Variants in SNED1 observed in about 807,000 individuals in gnomAD.
SNED1 encodes sushi, nidogen and EGF like domains 1, also known as sushi, nidogen and EGF-like domain-containing protein 1.
In SNED1, 81 loss-of-function variants were observed where a neutral mutation model predicts 166.7. The observed-to-expected ratio is 0.49, with a 90% CI of 0.41 to 0.58. The LOEUF is 0.58. Among genes scored for constraint, SNED1 ranks in the 20% least tolerant of loss-of-function variants. The pLI, the probability that SNED1 is intolerant of heterozygous loss-of-function variation, is 0.00. For synonymous variants in SNED1, 762 were observed against 822.0 expected (o/e 0.93, Z 1.25); for missense variants, 1,604 against 2,000.2 (o/e 0.80, Z 3.78).
At chr2:241,036,955 G>A (rs748556758) in intron 5 of SNED1, 40 bp downstream of exon 5, 18 of 1,577,474 alleles carry the variant, frequency 1.1e-5, no homozygotes, top group Middle Eastern at 1.7e-4. Flanking sequence ...CGCTGGCTGC[G>A]CTGGGCTCAG....
chr2:241,033,365 T>C (rs561093945), intron 2 of SNED1: 58 of 192,400 alleles, frequency 3.0e-4, no homozygotes, highest in African/African-American at 1.3e-3. Flanking sequence ...CTTCCTTGCT[T>C]CTTTTTACCT....
At position 241,068,730 on chromosome 2, in the gene SNED1, G is replaced by A. The variant is rs779292914; in HGVS notation, c.3195-181G>A. Among the ~76,000 whole-genome samples, 6 of 152,048 alleles carry A rather than the reference G, an allele frequency of 3.9e-5. No homozygotes were observed. The highest frequency in any genetic ancestry group is 1.3e-4 in the Admixed American group (2 of 15,286). Reference sequence around the variant, plus strand: ...TGCCCGGACTATGGGTTGGCTTCCCGCCCTAGGAGCACACGGCTCTGAGGG... The same window carrying A: ...TGCCCGGACTATGGGTTGGCTTCCCACCCTAGGAGCACACGGCTCTGAGGG... On this transcript the variant is annotated intron_variant, in intron 22 of 31. Transcript: ENST00000310397. The surrounding 1 kb of genome is among the most constrained non-coding windows in gnomAD (Gnocchi z 5.3).
intron 4 of SNED1, among the ~76,000 whole-genome samples, chr2:241,036,075 GGGGTGGA>G (rs2061358403): frequency 8.6e-6 from 1 of 115,618 alleles, no homozygotes; most frequent in South Asian, 3.4e-4. Flanking sequence ...TGGGGGGTGG[GGGGTGGA>G]GGCGCATCAC....
At chr2:241,088,520 C>T (rs1024263453) in intron 31 of SNED1, 118 bp downstream of exon 31, 18 of 830,170 alleles carry the variant, frequency 2.2e-5, no homozygotes, top group Admixed American at 1.1e-4. Context: ...CTAAAGGAAG[C>T]GCGGTCCTGT....
intron 1 of SNED1, among the ~76,000 whole-genome samples, chr2:241,002,809 C>T (rs2060115266): frequency 6.6e-6 from 1 of 152,056 alleles, no homozygotes; most frequent in South Asian, 2.1e-4. Context: ...AACAGAAGTC[C>T]TGCTTCCTCC....
At chr2:241,016,978 G>A (rs567314486) in intron 1 of SNED1, among the ~76,000 whole-genome samples, 1 of 150,578 alleles carries the variant, frequency 6.6e-6, no homozygotes, top group Admixed American at 6.7e-5. Flanking sequence ...TCAGCCTCCC[G>A]AGTAGCTGGG....
intron 12 of SNED1, chr2:241,050,138 C>T (rs1446836137): frequency 1.6e-6 from 1 of 629,088 alleles, no homozygotes; most frequent in Non-Finnish European, 2.9e-6. Flanking sequence ...AGTGCCAGGC[C>T]TGCTGGTCAT....
chr2:241,015,646 T>G (rs1230477257), intron 1 of SNED1: 3 of 169,730 alleles, frequency 1.8e-5, no homozygotes, highest in African/African-American at 7.2e-5. Context: ...AGCGGTGGTG[T>G]TGGTGCCTGT....
intron 16 of SNED1, among the ~76,000 whole-genome samples, chr2:241,055,975 G>A (rs2062029022): frequency 6.6e-6 from 1 of 152,202 alleles, no homozygotes; most frequent in Non-Finnish European, 1.5e-5. Context: ...AGAGAATACA[G>A]TATGTTCATC....
chr2:241,049,196 C>A, intron 11 of SNED1, 61 bp downstream of exon 11: 1 of 1,336,922 alleles, frequency 7.5e-7, no homozygotes, highest in Non-Finnish European at 1.1e-6. Flanking sequence ...AGGGAGAAAG[C>A]GGTGGATGAG....
At position 241,081,732 on chromosome 2, in the gene SNED1, G is replaced by T; in HGVS notation, c.3972G>T (p.Pro1324=). The T allele has an allele frequency of 6.2e-7, 1 of 1,609,404 alleles. No homozygotes were observed. The highest frequency in any genetic ancestry group is 1.7e-5 in the Admixed American group (1 of 59,448). Residue 1324 remains proline, a synonymous_variant, in exon 28 of 32, where the codon CCG becomes CCT. Coordinates refer to ENST00000310397, the MANE Select transcript of SNED1 (RefSeq NM_001080437.3). ...NPCQNGGTCV[P]GADAHSCDCG... ...GTCAGAACGGAGGCACTTGTGTGCC[G>T]GGCGCAGACGCCCACAGCTGTGACT...
At chr2:241,049,574 T>C (rs2061765375) in intron 11 of SNED1, among the ~76,000 whole-genome samples, 1 of 152,180 alleles carries the variant, frequency 6.6e-6, no homozygotes, top group African/African-American at 2.4e-5. Context: ...GTATCACAGC[T>C]CAGTCCTGCC....
At chr2:241,081,028 T>C (rs935096389) in intron 27 of SNED1, among the ~76,000 whole-genome samples, 8 of 152,226 alleles carry the variant, frequency 5.3e-5, no homozygotes, top group Non-Finnish European at 1.2e-4. Flanking sequence ...GGGACTTTTT[T>C]CTGGGTTGGT....
At chr2:241,085,877 T>G (rs2063548189) in intron 29 of SNED1, among the ~76,000 whole-genome samples, 1 of 143,698 alleles carries the variant, frequency 7.0e-6, no homozygotes, top group African/African-American at 2.6e-5. Context: ...TTTTTTTTTT[T>G]TTTTTTTGAG....
chr2:241,051,647 C>A lies in SNED1; in HGVS notation c.1736-97C>A. ...CAGGGCTTCGTCGAGAAGGCCCCAC[C>A]AGCACCAGAGGACTGAGGAGATGCC... On this transcript the variant is annotated intron_variant, in intron 12 of 31. Transcript: ENST00000310397. The surrounding 1 kb of genome is among the most constrained non-coding windows in gnomAD (Gnocchi z 4.7). 1.0e-6 allele frequency: 1 copy of A among 999,476 alleles called. No individual in the cohort carries two copies. Among genetic ancestry groups the A allele is most frequent in the Non-Finnish European group, 1.4e-6 (1 of 712,278 alleles). The allele number at this position is 999,476 out of a possible 1,614,324, so 61.9% of individuals were successfully genotyped here.
intron 21 of SNED1, 26 bp from the exon 22 acceptor site, chr2:241,067,738 C>T: frequency 6.3e-7 from 1 of 1,577,124 alleles, no homozygotes; most frequent in Non-Finnish European, 8.7e-7. Flanking sequence ...GGGGCCGGCA[C>T]CTGCTGAACA....
chr2:241,038,739 G>C (rs114637251), intron 6 of SNED1, among the ~76,000 whole-genome samples: 2 of 152,258 alleles, frequency 1.3e-5, no homozygotes, highest in African/African-American at 4.8e-5. Context: ...CCCTGCAGGC[G>C]TCTGTCCCTT....
At chr2:241,038,473 G>A (rs1312338710) in intron 6 of SNED1, among the ~76,000 whole-genome samples, 1 of 152,236 alleles carries the variant, frequency 6.6e-6, no homozygotes, top group African/African-American at 2.4e-5. Flanking sequence ...GTCCAAAGCA[G>A]TGAAGCACAA....
At chr2:241,066,811 A>G (rs985534488) in intron 21 of SNED1, among the ~76,000 whole-genome samples, 1 of 152,186 alleles carries the variant, frequency 6.6e-6, no homozygotes, top group Admixed American at 6.5e-5. Context: ...CTTGATGCCA[A>G]TGCCAAGGGC....
Sources: gnomAD v4.1 joint callset for allele counts (sites outside exome capture counted in the v4.1 genomes callset) on GRCh38, gnomAD v4.1.1 for gene constraint, Gnocchi (gnomAD v3.1) non-coding constraint, MANE v1.5 for transcripts, NCBI Gene and HGNC (gene_info 2026-07-23, HGNC 2026-07-21) for gene names.